Variants in NELL1 observed in about 807,000 individuals in gnomAD.
The protein encoded by NELL1 is protein kinase C-binding protein NELL1.
Under a neutral mutation model 107.4 loss-of-function variants are expected in NELL1, and 76 were observed. The observed-to-expected ratio is 0.71, with a 90% CI of 0.59 to 0.86. The LOEUF (loss-of-function observed/expected upper bound fraction) is 0.86, where lower values mean the gene tolerates loss of function less well. Among genes scored for constraint, NELL1 ranks in the 40% least tolerant of loss-of-function variants. The pLI, the probability that NELL1 is intolerant of heterozygous loss-of-function variation, is 0.00. For missense variants in NELL1, 1,024 were observed against 1,005.5 expected (o/e 1.02, Z -0.25); for synonymous variants, 353 against 341.2 (o/e 1.03, Z -0.38).
intron 3 of NELL1, among the ~76,000 whole-genome samples, chr11:20,786,242 C>T (rs1042085604): frequency 5.3e-5 from 8 of 150,798 alleles, no homozygotes; most frequent in Admixed American, 3.3e-4. Context: ...CCCAGCTACT[C>T]GGGAGGCTGA....
chr11:20,702,818 T>C (rs987125374), intron 2 of NELL1, among the ~76,000 whole-genome samples: 1 of 152,166 alleles, frequency 6.6e-6, no homozygotes, highest in Admixed American at 6.5e-5. Context: ...CGTTTATTGA[T>C]TTGTGTATGT....
At chr11:21,422,134 C>T (rs1019185313) in intron 15 of NELL1, among the ~76,000 whole-genome samples, 3 of 151,166 alleles carry the variant, frequency 2.0e-5, no homozygotes, top group Admixed American at 6.6e-5. Flanking sequence ...TACACACGCA[C>T]GTGTATGTAC....
At chr11:21,197,752 A>G (rs923659267) in intron 13 of NELL1, among the ~76,000 whole-genome samples, 2 of 152,098 alleles carry the variant, frequency 1.3e-5, no homozygotes, top group African/African-American at 2.4e-5. Flanking sequence ...ACGATGGGAG[A>G]CTGTCTCAGA....
chr11:21,241,904 A>ATTTTTTTTT (rs10652603), intron 14 of NELL1, among the ~76,000 whole-genome samples: 2 of 134,150 alleles, frequency 1.5e-5, no homozygotes, highest in Non-Finnish European at 1.6e-5. Flanking sequence ...GTCTGTTTCT[A>ATTTTTTTTT]TTTTTTTTTT....
At chr11:20,928,310 T>C (rs1381393244) in intron 8 of NELL1, 67 bp from the exon 9 acceptor site, 3 of 1,382,460 alleles carry the variant, frequency 2.2e-6, no homozygotes, top group East Asian at 2.3e-5. Context: ...GAGATTTCAA[T>C]GATCTCCACA....
rs181399490 is a variant in NELL1, at chr11:21,091,045, A to G, written c.1301-22544A>G. Among the ~76,000 whole-genome samples the G allele has an allele frequency of 1.8e-3, 277 of 152,264 alleles. 1 individual carries two copies. The highest frequency in any genetic ancestry group is 3.3e-3 in the Non-Finnish European group (227 of 68,034). ...TGTAGATTAAAGATGATGAATACAC[A>G]TTTTCTGGCACATAATAGGTGTTTA... On this transcript the variant is annotated intron_variant, in intron 12 of 19. Coordinates refer to ENST00000357134, the MANE Select transcript of NELL1 (RefSeq NM_006157.5).
At chr11:21,407,431 A>G (rs1852262971) in intron 15 of NELL1, among the ~76,000 whole-genome samples, 1 of 152,016 alleles carries the variant, frequency 6.6e-6, no homozygotes, top group Admixed American at 6.6e-5. Flanking sequence ...ACAAACAAAC[A>G]AAAAGAAATA....
intron 15 of NELL1, among the ~76,000 whole-genome samples, chr11:21,387,620 A>C (rs1851776361): frequency 6.6e-6 from 1 of 151,816 alleles, no homozygotes; most frequent in African/African-American, 2.4e-5. Context: ...GGCTTTTAAA[A>C]ACTTCCTTTA....
intron 1 of NELL1, among the ~76,000 whole-genome samples, chr11:20,677,464 C>A (rs751908537): frequency 3.9e-5 from 6 of 152,186 alleles, no homozygotes; most frequent in Non-Finnish European, 8.8e-5. Context: ...GAGTTGAACT[C>A]ATTTCATGGC....
intron 5 of NELL1, among the ~76,000 whole-genome samples, chr11:20,915,860 A>C (rs1850244334): frequency 6.6e-6 from 1 of 151,040 alleles, no homozygotes; most frequent in Admixed American, 6.6e-5. Context: ...CCTGGCAGTA[A>C]ATTGTCCATA....
At chr11:21,236,674 T>A (rs1858214635) in intron 14 of NELL1, among the ~76,000 whole-genome samples, 2 of 152,270 alleles carry the variant, frequency 1.3e-5, no homozygotes, top group South Asian at 4.1e-4. Context: ...TTAGGCTAAG[T>A]CTAGCTTCCT....
chr11:21,368,355 G>GTT (rs139485232), intron 14 of NELL1, among the ~76,000 whole-genome samples: 5,713 of 118,790 alleles, frequency 0.048, 119 homozygotes, highest in South Asian at 0.11. Context: ...TTAGGCATTG[G>GTT]TTTTTTTTTT....
chr11:21,482,625 C>A (rs74356771), intron 15 of NELL1, among the ~76,000 whole-genome samples: 1,714 of 151,954 alleles, frequency 0.011, 31 homozygotes, highest in African/African-American at 0.038. Context: ...AGAAATTTCC[C>A]AGTGGGAACT....
chr11:21,509,784 GAT>G lies in NELL1; in HGVS notation c.1646-24587_1646-24586del, dbSNP rs375000449. Among the ~76,000 whole-genome samples the G allele has an allele frequency of 5.1e-3, 771 of 152,260 alleles. 8 individuals are homozygous for G. Among genetic ancestry groups the G allele is most frequent in the Non-Finnish European group, 7.5e-3 (510 of 68,018 alleles). ...TATTTATCTATTTAACTAGATGACA[GAT>G]ATTGTTGCCTATATTATAGTATCCT... On this transcript the variant is annotated intron_variant, in intron 15 of 19. Transcript: ENST00000357134.
At chr11:20,941,521 C>G (rs1686519793) in intron 10 of NELL1, among the ~76,000 whole-genome samples, 1 of 151,688 alleles carries the variant, frequency 6.6e-6, no homozygotes, top group Non-Finnish European at 1.5e-5. Context: ...TTATTACTTC[C>G]TCCTACATGA....
chr11:21,273,740 C>T (rs1464615093), intron 14 of NELL1, among the ~76,000 whole-genome samples: 1 of 152,120 alleles, frequency 6.6e-6, no homozygotes, highest in Non-Finnish European at 1.5e-5. Context: ...GAGAGTGGGG[C>T]CAATATTCAA....
At chr11:21,284,485 C>T in intron 14 of NELL1, 1 of 459,408 alleles carries the variant, frequency 2.2e-6, no homozygotes, top group South Asian at 1.5e-5. Context: ...GTCTCTTCCT[C>T]CAGTGCTGTG....
intron 13 of NELL1, among the ~76,000 whole-genome samples, chr11:21,208,060 T>C (rs1457843066): frequency 6.6e-6 from 1 of 152,150 alleles, no homozygotes; most frequent in African/African-American, 2.4e-5. Context: ...AGCTAAAATC[T>C]ATTTATTTAG....
intron 13 of NELL1, among the ~76,000 whole-genome samples, chr11:21,166,102 T>C (rs1856475596): frequency 6.6e-6 from 1 of 151,722 alleles, no homozygotes; most frequent in Non-Finnish European, 1.5e-5. Context: ...GAGGTCATTA[T>C]GTTAAGTGAA....
Sources: allele counts gnomAD v4.1 joint callset (sites outside exome capture counted in the v4.1 genomes callset), GRCh38; gene constraint gnomAD v4.1.1; transcripts MANE v1.5; gene names NCBI Gene and HGNC (gene_info 2026-07-23, HGNC 2026-07-21).